UNC13C: variants seen among roughly 807,000 people sequenced by gnomAD.
UNC13C encodes unc-13 homolog C.
Under a neutral mutation model 245.4 loss-of-function variants are expected in UNC13C, and 174 were observed. That is an observed-to-expected ratio of 0.71 (90% CI 0.63 to 0.80). UNC13C has a LOEUF of 0.80. UNC13C is among the 30% of genes least tolerant of loss of function. The pLI is 0.00. For synonymous variants in UNC13C, 992 were observed against 895.1 expected, an observed-to-expected ratio of 1.11 and a Z score of -1.93; for missense variants, 2,829 against 2,602.9, an observed-to-expected ratio of 1.09 and a Z score of -1.89.
At chr15:54,321,788 A>T in intron 13 of UNC13C, 151 bp from the exon 14 acceptor site, 1 of 842,616 alleles carries the variant, frequency 1.2e-6, no homozygotes, top group South Asian at 2.0e-5. Flanking sequence ...TCAGAAGGCC[A>T]AAATTGTTTT....
chr15:54,390,328 G>T (rs1425053400), intron 17 of UNC13C, among the ~76,000 whole-genome samples: 1 of 152,016 alleles, frequency 6.6e-6, no homozygotes, highest in East Asian at 1.9e-4. Flanking sequence ...CAGCTTGTCT[G>T]TAAAAACTTT....
At chr15:54,549,005 C>A (rs1302944130) in intron 27 of UNC13C, among the ~76,000 whole-genome samples, 2 of 152,132 alleles carry the variant, frequency 1.3e-5, no homozygotes, top group Non-Finnish European at 2.9e-5. Flanking sequence ...AATTTTCCTT[C>A]CTGTGACAAT....
chr15:54,264,680 C>A (rs530906026), intron 9 of UNC13C, among the ~76,000 whole-genome samples: 1 of 151,570 alleles, frequency 6.6e-6, no homozygotes, highest in African/African-American at 2.4e-5. Context: ...TTGTTGCCTA[C>A]CAGTGATAAA....
rs141991088 is a variant in UNC13C, at chr15:54,075,683, G to C, written c.2983+59797G>C. On this transcript the variant is annotated intron_variant, in intron 2 of 32. Transcript: ENST00000260323. ...GTGATGGTTGTTAATACTATTAGCA[G>C]TATTGAGCAGTGATTGTGGAATCTC... Among the ~76,000 whole-genome samples, 71 of 151,770 alleles carry C rather than the reference G, an allele frequency of 4.7e-4. No homozygotes were observed. The East Asian group carries it at 9.5e-3, about 20-fold the overall frequency.
chr15:53,924,991 T>G, the UNC13C span, among the ~76,000 whole-genome samples: 1 of 152,192 alleles, frequency 6.6e-6, no homozygotes, highest in African/African-American at 2.4e-5. Context: ...ATTTAAGCTA[T>G]CAATAGAAAA....
intron 2 of UNC13C, among the ~76,000 whole-genome samples, chr15:54,110,172 C>T (rs1900695352): frequency 1.3e-5 from 2 of 151,732 alleles, no homozygotes; most frequent in South Asian, 4.2e-4. Context: ...CATAGCTACT[C>T]AGGAGGCTGA....
chr15:54,352,293 T>C (rs567281506), intron 17 of UNC13C, among the ~76,000 whole-genome samples: 80 of 147,212 alleles, frequency 5.4e-4, no homozygotes, highest in African/African-American at 1.9e-3. Context: ...TATATAATTA[T>C]ATTTATATAA....
intron 2 of UNC13C, among the ~76,000 whole-genome samples, chr15:54,126,933 C>T (rs556710995): frequency 7.8e-4 from 119 of 152,184 alleles, no homozygotes; most frequent in African/African-American, 2.7e-3. Flanking sequence ...GACATTTATG[C>T]GGCCAATAGT....
At chr15:54,004,088 T>C (rs1895029603) in intron 1 of UNC13C, among the ~76,000 whole-genome samples, 1 of 152,202 alleles carries the variant, frequency 6.6e-6, no homozygotes, top group Admixed American at 6.5e-5. Context: ...TAGTGTGCTA[T>C]CAAATATTAG....
chr15:53,975,663 C>G (rs551735362), upstream of UNC13C, among the ~76,000 whole-genome samples: 2 of 152,314 alleles, frequency 1.3e-5, no homozygotes, highest in East Asian at 3.9e-4. Flanking sequence ...TCAAGCTTCA[C>G]TACTACTGTA....
intron 19 of UNC13C, among the ~76,000 whole-genome samples, chr15:54,447,465 A>G (rs978293505): frequency 6.6e-6 from 1 of 152,156 alleles, no homozygotes; most frequent in Non-Finnish European, 1.5e-5. Context: ...TTATTGGTCT[A>G]TTCAGAGATT....
intron 13 of UNC13C, among the ~76,000 whole-genome samples, chr15:54,312,888 A>G (rs1231219116): frequency 2.6e-5 from 4 of 151,842 alleles, no homozygotes; most frequent in Non-Finnish European, 5.9e-5. Flanking sequence ...ATAGTTCTCC[A>G]TCTAGCCAGC....
chr15:54,349,630 T>A (rs575513590), intron 17 of UNC13C, among the ~76,000 whole-genome samples: 94 of 152,240 alleles, frequency 6.2e-4, no homozygotes, highest in Non-Finnish European at 1.1e-3. Context: ...CAAAAAAAGA[T>A]CAATTATAAA....
At chr15:54,181,245 T>A (rs28830170) in intron 4 of UNC13C, among the ~76,000 whole-genome samples, 1 of 151,994 alleles carries the variant, frequency 6.6e-6, no homozygotes, top group Non-Finnish European at 1.5e-5. Context: ...AGTATCATTA[T>A]TGAATAGGGA....
At chr15:54,553,107 GTATTCTA>G in intron 28 of UNC13C, among the ~76,000 whole-genome samples, 5 of 66,702 alleles carry the variant, frequency 7.5e-5, no homozygotes, top group African/African-American at 2.3e-4. Flanking sequence ...AATATATATT[GTATTCTA>G]TATTACAATA....
At chr15:54,554,168 A>G (rs1896994990) in intron 28 of UNC13C, among the ~76,000 whole-genome samples, 1 of 152,054 alleles carries the variant, frequency 6.6e-6, no homozygotes, top group Non-Finnish European at 1.5e-5. Context: ...CCAAAAATTT[A>G]CTGAGTGCCT....
chr15:54,259,110 C>T (rs903333139), intron 8 of UNC13C, among the ~76,000 whole-genome samples: 1 of 152,196 alleles, frequency 6.6e-6, no homozygotes. Flanking sequence ...CCACTAATCC[C>T]ATTCTTGAGG....
intron 30 of UNC13C, among the ~76,000 whole-genome samples, chr15:54,589,260 G>A (rs917115863): frequency 8.8e-6 from 1 of 113,456 alleles, no homozygotes; most frequent in African/African-American, 3.2e-5. Flanking sequence ...TCATATGCTT[G>A]TTAGCCATTT....
intron 4 of UNC13C, among the ~76,000 whole-genome samples, chr15:54,217,392 A>T (rs2140769764): frequency 6.6e-6 from 1 of 152,010 alleles, no homozygotes; most frequent in African/African-American, 2.4e-5. Flanking sequence ...TCAGAAGAGG[A>T]AATTAACAGA....
Sources: gnomAD v4.1 joint callset for allele counts (sites outside exome capture counted in the v4.1 genomes callset) on GRCh38, gnomAD v4.1.1 for gene constraint, MANE v1.5 for transcripts, NCBI Gene and HGNC (gene_info 2026-07-23, HGNC 2026-07-21) for gene names.